Variants in USP24 observed in about 807,000 individuals in gnomAD.
USP24 encodes the protein ubiquitin specific peptidase 24.
Under a neutral mutation model 361.6 loss-of-function variants are expected in USP24, and 97 were observed. That is an observed-to-expected ratio of 0.27 (90% CI 0.23 to 0.32). USP24 has a LOEUF of 0.32. USP24 is among the 10% of genes least tolerant of loss of function. The pLI is 1.00. For missense variants in USP24, 2,353 were observed against 3,165.6 expected (o/e 0.74, Z 6.16); for synonymous variants, 1,098 against 1,124.6 (o/e 0.98, Z 0.47).
intron 40 of USP24, 58 bp from the exon 41 acceptor site, chr1:55,106,321 C>G: frequency 2.2e-6 from 3 of 1,342,872 alleles, no homozygotes; most frequent in Non-Finnish European, 3.2e-6. Flanking sequence ...TTCAAAGATC[C>G]TATCTTGCAC....
intron 7 of USP24, among the ~76,000 whole-genome samples, chr1:55,164,797 T>A (rs1648660332): frequency 6.6e-6 from 1 of 151,938 alleles, no homozygotes; most frequent in Non-Finnish European, 1.5e-5. Context: ...TTGGGAGTGC[T>A]CTGTATTTTT....
chr1:55,185,156 T>C (rs888432756), intron 1 of USP24, among the ~76,000 whole-genome samples: 1 of 151,998 alleles, frequency 6.6e-6, no homozygotes, highest in Non-Finnish European at 1.5e-5. Context: ...TTTTGTTTTG[T>C]TGCTCAGGCT....
At chr1:55,100,479 A>G (rs1017811146) in intron 44 of USP24, among the ~76,000 whole-genome samples, 2 of 151,868 alleles carry the variant, frequency 1.3e-5, no homozygotes, top group African/African-American at 4.8e-5. Flanking sequence ...CTGGGCAACA[A>G]GAGCGAAACT....
intron 1 of USP24, among the ~76,000 whole-genome samples, chr1:55,202,410 CT>C (rs772301790): frequency 9.8e-4 from 142 of 144,634 alleles, no homozygotes; most frequent in Non-Finnish European, 8.7e-4. Flanking sequence ...CTTTTTCTTT[CT>C]TTTTTTTTTT....
chr1:55,080,135 C>G (rs1645120512), intron 59 of USP24, among the ~76,000 whole-genome samples: 1 of 152,164 alleles, frequency 6.6e-6, no homozygotes, highest in African/African-American at 2.4e-5. Context: ...GCTAACACCA[C>G]CTATGCTAAG....
At chr1:55,201,364 A>G (rs996696874) in intron 1 of USP24, among the ~76,000 whole-genome samples, 3 of 151,842 alleles carry the variant, frequency 2.0e-5, no homozygotes, top group African/African-American at 7.3e-5. Flanking sequence ...GCACTTTGGG[A>G]GGCCAAGGCA....
rs867610842 is a variant in USP24, at chr1:55,073,907, C to G, written c.7448-1G>C. ...ACATGATTACTGTGGTGCATCAAAG[C>G]TGAGGGAAGAGAAAAGGACATTTTA... On this transcript the variant is annotated splice_acceptor_variant, in intron 63 of 67. Transcript: ENST00000294383. LOFTEE classifies it high-confidence loss of function. 1 of 1,568,358 alleles carries G rather than the reference C, an allele frequency of 6.4e-7. No individual in the cohort carries two copies. The highest frequency in any genetic ancestry group is 8.7e-7 in the Non-Finnish European group (1 of 1,155,640).
In USP24 at chr1:55,132,674, A is replaced by C; in HGVS notation, c.3408T>G (p.Ser1136=). 6.2e-7 allele frequency: 1 copy of C among 1,613,580 alleles called. No individual in the cohort carries two copies. Among genetic ancestry groups the C allele is most frequent in the Non-Finnish European group, 8.5e-7 (1 of 1,179,690 alleles). Residue 1136 remains serine (S), a synonymous_variant, in exon 31 of 68, where the codon TCT becomes TCG. Coordinates refer to ENST00000294383, the MANE Select transcript of USP24 (RefSeq NM_015306.3). The part of the protein sequence containing the change: ...RKKTLLSESS[S]QSSKSPSLSS... Reference sequence around the variant, plus strand: ...ACAGGGATGGAGATTTTGAGGACTGAGAACTTGATTCAGACAGCAATGTTT... The same window carrying C: ...ACAGGGATGGAGATTTTGAGGACTGCGAACTTGATTCAGACAGCAATGTTT...
At chr1:55,138,461 C>T (rs1646797970) in intron 26 of USP24, 147 bp downstream of exon 26, 1 of 555,162 alleles carries the variant, frequency 1.8e-6, no homozygotes, top group Non-Finnish European at 3.2e-6. Flanking sequence ...CTGCTTGTAC[C>T]CCACAGTTTC....
intron 16 of USP24, among the ~76,000 whole-genome samples, chr1:55,151,513 G>A (rs1039391021): frequency 5.3e-5 from 8 of 152,186 alleles, no homozygotes; most frequent in Non-Finnish European, 1.0e-4. Flanking sequence ...CTAAAAGCCT[G>A]TCAGGCGCTA....
intron 63 of USP24, among the ~76,000 whole-genome samples, chr1:55,075,229 C>T (rs1321362357): frequency 6.6e-6 from 1 of 151,594 alleles, no homozygotes; most frequent in Non-Finnish European, 1.5e-5. Context: ...GTAAAAGAAT[C>T]CCAAGCTACA....
Position 55,106,222 on chromosome 1 carries a change from G to A in USP24, c.4804C>T (p.Arg1602Ter). 2 of 1,613,862 alleles carry A rather than the reference G, an allele frequency of 1.2e-6. No individual in the cohort carries two copies. Among genetic ancestry groups the A allele is most frequent in the Non-Finnish European group, 1.7e-6 (2 of 1,179,782 alleles). Residue 1602 changes from arginine to a stop codon, truncating the protein, a stop_gained, in exon 41 of 68, where the codon CGA becomes TGA. Transcript: ENST00000294383. LOFTEE classifies it high-confidence loss of function. ...CTATTTAAAATAATTCTAGAAGCTC[G>A]GAAAAGGAAGTCATCTAACAATGGT... The part of the protein sequence containing the change: ...IKPLLDDFLF[R>*]ASRIILNSHS...
intron 67 of USP24, among the ~76,000 whole-genome samples, chr1:55,069,939 C>G (rs988314833): frequency 1.3e-4 from 19 of 142,136 alleles, no homozygotes; most frequent in Admixed American, 7.2e-4. Context: ...GGTGCTAGAT[C>G]AAGCAGGACT....
In USP24 at chr1:55,186,251, T is replaced by C. The variant is rs185801299; in HGVS notation, c.325-8119A>G. On this transcript the variant is annotated intron_variant, in intron 1 of 67. Transcript: ENST00000294383. ...CAAGGAAATTTCACATCTATTAGTATGGTTATTATAAAAAATATAGAAAAA... is the reference window on the plus strand; with the variant it reads ...CAAGGAAATTTCACATCTATTAGTACGGTTATTATAAAAAATATAGAAAAA... Among the ~76,000 whole-genome samples, 703 of 152,330 alleles carry C rather than the reference T, an allele frequency of 4.6e-3. 1 individual carries two copies. The highest frequency in any genetic ancestry group is 7.2e-3 in the Non-Finnish European group (487 of 68,030).
chr1:55,156,608 A>T (rs1017891733), intron 12 of USP24, among the ~76,000 whole-genome samples: 40 of 152,300 alleles, frequency 2.6e-4, no homozygotes, highest in African/African-American at 8.4e-4. Flanking sequence ...TGGGAAAAAA[A>T]TTATTAATGA....
In USP24 at chr1:55,085,697, C is replaced by T. The variant is rs534916447; in HGVS notation, c.6765+245G>A. Among the ~76,000 whole-genome samples, 29 of 152,292 alleles carry T rather than the reference C, an allele frequency of 1.9e-4. No homozygotes were observed. The South Asian group carries it at 6.0e-3, about 32-fold the overall frequency. ...AAAGGACTCTGAAAAGGGAGTGTTT[C>T]TAGAGAGAAAATCCCAACGCAGACC... On this transcript the variant is annotated intron_variant, in intron 56 of 67. Coordinates refer to ENST00000294383, the MANE Select transcript of USP24 (RefSeq NM_015306.3).
intron 1 of USP24, among the ~76,000 whole-genome samples, chr1:55,185,969 T>C (rs1401958686): frequency 6.6e-6 from 1 of 152,100 alleles, no homozygotes; most frequent in Non-Finnish European, 1.5e-5. Flanking sequence ...AATGAACATT[T>C]CCTAGAAAAG....
At position 55,134,160 on chromosome 1, in the gene USP24, T is replaced by G. The variant is rs747130582; in HGVS notation, c.3291A>C (p.Ile1097=). The change falls in exon 30 of 68, where the codon ATA becomes ATC. Residue 1097 remains isoleucine (I), a synonymous_variant. Transcript: ENST00000294383. ...YQLANLEEPR[I]TLRVRKLLLL... Reference sequence around the variant, plus strand: ...GCAGAAGCTTCCGTACTCGTAGAGTTATCCTGAAGTTTTTCAAATACAAAT... The same window carrying G: ...GCAGAAGCTTCCGTACTCGTAGAGTGATCCTGAAGTTTTTCAAATACAAAT... The G allele has an allele frequency of 1.2e-6, 2 of 1,613,196 alleles. No individual in the cohort carries two copies. The highest frequency in any genetic ancestry group is 1.7e-6 in the Non-Finnish European group (2 of 1,179,660).
chr1:55,072,426 C>A (rs935819663), intron 65 of USP24, 23 bp from the exon 66 acceptor site: 1 of 1,593,418 alleles, frequency 6.3e-7, no homozygotes, highest in Non-Finnish European at 8.6e-7. Context: ...GTCAAAAATG[C>A]CATCAGAGGT....
Sources: allele counts gnomAD v4.1 joint callset (sites outside exome capture counted in the v4.1 genomes callset), GRCh38; gene constraint gnomAD v4.1.1; transcripts MANE v1.5; gene names NCBI Gene and HGNC (gene_info 2026-07-23, HGNC 2026-07-21).